RASSF8: variants seen among roughly 807,000 people sequenced by gnomAD.
RASSF8 encodes ras association domain-containing protein 8.
In RASSF8, 22 loss-of-function variants were observed where a neutral mutation model predicts 48.5. That is an observed-to-expected ratio of 0.45 (90% CI 0.32 to 0.65). RASSF8 has a LOEUF of 0.65. Among genes scored for constraint, RASSF8 ranks in the 30% least tolerant of loss-of-function variants. RASSF8 has a pLI of 0.03. For missense variants in RASSF8, 418 were observed against 489.2 expected (o/e 0.85, Z 1.37); for synonymous variants, 127 against 171.5 (o/e 0.74, Z 2.03).
chr12:26,070,024 A>G lies in RASSF8; in HGVS notation c.*1206A>G. On this transcript the variant is annotated 3_prime_UTR_variant, in exon 6 of 6. Coordinates refer to ENST00000689635, the MANE Select transcript of RASSF8 (RefSeq NM_001394098.1). ...AATATGACTCAACACCTTTTTGATG[A>G]GTAGTGACTTAACTAAGATTTACAA... 1.0e-6 allele frequency: 1 copy of G among 980,962 alleles called. No individual in the cohort carries two copies. Among genetic ancestry groups the G allele is most frequent in the Non-Finnish European group, 1.2e-6 (1 of 825,808 alleles). The allele number at this position is 980,962 out of a possible 1,614,324, so 60.8% of individuals were successfully genotyped here. A position where few individuals can be genotyped will look rare whatever the true frequency, so the allele number is the denominator to read the frequency against.
rs1174796290 is a variant in RASSF8 at position 26,071,373 on chromosome 12, A to G, written c.*2555A>G. 1 of 956,296 alleles carries G rather than the reference A, an allele frequency of 1.0e-6. No homozygotes were observed. The highest frequency in any genetic ancestry group is 1.8e-5 in the African/African-American group (1 of 56,450). The allele number at this position is 956,296 out of a possible 1,614,324, so 59.2% of individuals were successfully genotyped here. A position where few individuals can be genotyped will look rare whatever the true frequency, so the allele number is the denominator to read the frequency against. ...TCATCTGGGGGAATGTTCAGGTTCT[A>G]AATACTAAATTAGATTTCAATGTTT... On this transcript the variant is annotated 3_prime_UTR_variant, in exon 6 of 6. Coordinates refer to ENST00000689635, the MANE Select transcript of RASSF8 (RefSeq NM_001394098.1).
intron 3 of RASSF8, among the ~76,000 whole-genome samples, chr12:26,057,262 A>C (rs1241598802): frequency 6.6e-6 from 1 of 152,086 alleles, no homozygotes; most frequent in African/African-American, 2.4e-5. Context: ...ATTTCTCCTA[A>C]TGCTATCCCT....
chr12:26,018,380 T>C (rs1942702361), intron 2 of RASSF8, among the ~76,000 whole-genome samples: 1 of 152,078 alleles, frequency 6.6e-6, no homozygotes, highest in East Asian at 1.9e-4. Flanking sequence ...ATTCTTTACA[T>C]TATATAACTA....
intron 1 of RASSF8, among the ~76,000 whole-genome samples, chr12:25,990,895 A>G (rs1354169741): frequency 6.6e-6 from 1 of 152,086 alleles, no homozygotes; most frequent in Non-Finnish European, 1.5e-5. Context: ...ATAAAAAGAA[A>G]TGTGCCTAAA....
chr12:25,969,939 C>A (rs562249673), intron 1 of RASSF8, among the ~76,000 whole-genome samples: 2 of 152,182 alleles, frequency 1.3e-5, no homozygotes, highest in South Asian at 4.2e-4. Flanking sequence ...ATTTCCCCGA[C>A]CCCCACTCAC....
chr12:25,971,615 T>A (rs7963603), intron 1 of RASSF8, among the ~76,000 whole-genome samples: 9,986 of 152,280 alleles, frequency 0.066, 712 homozygotes, highest in East Asian at 0.27. Context: ...TTTTCACCAC[T>A]CTCAACTGTT....
At chr12:26,043,992 C>G (rs939354263) in intron 2 of RASSF8, among the ~76,000 whole-genome samples, 3 of 152,126 alleles carry the variant, frequency 2.0e-5, no homozygotes, top group African/African-American at 7.2e-5. Flanking sequence ...TGTGAAAATT[C>G]ATAACTTAAG....
rs1444491112 is a variant in RASSF8, at chr12:25,966,647, T to G, written c.-203+7499T>G. Among the ~76,000 whole-genome samples, 3 of 152,224 alleles carry G rather than the reference T, an allele frequency of 2.0e-5. No homozygotes were observed. In the East Asian group the frequency reaches 5.8e-4, roughly 29 times the overall value. ...ATGTTTTTATTGGGTTGTTTTCTTA[T>G]TATTAAATTTTGAGAATTCTTATAT... On this transcript the variant is annotated intron_variant, in intron 1 of 5. Coordinates refer to ENST00000689635, the MANE Select transcript of RASSF8 (RefSeq NM_001394098.1).
chr12:26,041,628 A>AAT (rs930432328), intron 2 of RASSF8, among the ~76,000 whole-genome samples: 27 of 151,684 alleles, frequency 1.8e-4, no homozygotes, highest in Middle Eastern at 3.4e-3. Flanking sequence ...TACATACATA[A>AAT]ATATATATAT....
chr12:26,048,213 C>A (rs939096325), intron 2 of RASSF8, among the ~76,000 whole-genome samples: 1 of 152,194 alleles, frequency 6.6e-6, no homozygotes, highest in Non-Finnish European at 1.5e-5. Context: ...CATTTGGTTT[C>A]CGGGAACTCT....
intron 4 of RASSF8, among the ~76,000 whole-genome samples, chr12:26,067,133 A>G (rs1225790513): frequency 1.3e-5 from 2 of 152,366 alleles, no homozygotes; most frequent in East Asian, 1.9e-4. Context: ...AGTGGTTAAT[A>G]TGTAAATTTG....
intron 1 of RASSF8, among the ~76,000 whole-genome samples, chr12:25,984,341 A>C (rs1361694656): frequency 6.6e-6 from 1 of 150,824 alleles, no homozygotes; most frequent in Non-Finnish European, 1.5e-5. Flanking sequence ...AGCCTTCCAA[A>C]GTGGTGGGAT....
At chr12:26,001,589 CT>C (rs1283996972) in intron 2 of RASSF8, among the ~76,000 whole-genome samples, 10 of 151,834 alleles carry the variant, frequency 6.6e-5, no homozygotes, top group African/African-American at 2.2e-4. Flanking sequence ...TTGTTAAAAA[CT>C]AAGACACAAA....
chr12:26,068,067 G>A (rs1216064818), intron 5 of RASSF8, among the ~76,000 whole-genome samples: 1 of 152,046 alleles, frequency 6.6e-6, no homozygotes, highest in African/African-American at 2.4e-5. Context: ...CAGCATGCCC[G>A]ACCATCTGCT....
At chr12:26,006,304 A>C (rs1592257964) in intron 2 of RASSF8, among the ~76,000 whole-genome samples, 1 of 152,178 alleles carries the variant, frequency 6.6e-6, no homozygotes, top group Non-Finnish European at 1.5e-5. Context: ...TCAGCTTCTC[A>C]TGTTAATTAA....
rs552137854 is a variant in RASSF8 at position 26,027,459 on chromosome 12, T to C, written c.-108-27777T>C. On this transcript the variant is annotated intron_variant, in intron 2 of 5. Coordinates refer to ENST00000689635, the MANE Select transcript of RASSF8 (RefSeq NM_001394098.1). ...ACTGAAGGGTCAGCAGGCCCTCACTTAAGAGTTGGCCTGACTATAAAAATA... is the reference window on the plus strand; with the variant it reads ...ACTGAAGGGTCAGCAGGCCCTCACTCAAGAGTTGGCCTGACTATAAAAATA... Among the ~76,000 whole-genome samples, 3 of 152,316 alleles carry C rather than the reference T, an allele frequency of 2.0e-5. No homozygotes were observed. In the East Asian group the frequency reaches 5.8e-4, roughly 29 times the overall value.
At chr12:26,078,871 T>G (rs1206076583) in intron 5 of RASSF8, among the ~76,000 whole-genome samples, 1 of 152,188 alleles carries the variant, frequency 6.6e-6, no homozygotes. Context: ...TCTTGTAAAC[T>G]TAAATGAATA....
In RASSF8 at chr12:25,991,826, T is replaced by TG. The variant is rs554802438; in HGVS notation, c.-202-3206dup. On this transcript the variant is annotated intron_variant, in intron 1 of 5. Coordinates refer to ENST00000689635, the MANE Select transcript of RASSF8 (RefSeq NM_001394098.1). ...GAATACACAAGGGTGTGAAAACCATTGGGGGCCATTGTGGAGGCCAGCTAC... is the reference window on the plus strand; with the variant it reads ...GAATACACAAGGGTGTGAAAACCATTGGGGGGCCATTGTGGAGGCCAGCTAC... Among the ~76,000 whole-genome samples the TG allele has an allele frequency of 1.7e-3, 257 of 152,306 alleles. 1 individual carries two copies. Among genetic ancestry groups the TG allele is most frequent in the Non-Finnish European group, 2.9e-3 (197 of 68,024 alleles).
At position 26,070,537 on chromosome 12, in the gene RASSF8, T is replaced by G; in HGVS notation, c.*1719T>G. On this transcript the variant is annotated 3_prime_UTR_variant, in exon 6 of 6. Transcript: ENST00000689635. ...TGCAAATAACTGAAGTAAATGATTCTTACCTAAATAACCACAACCTGTACA... is the reference window on the plus strand; with the variant it reads ...TGCAAATAACTGAAGTAAATGATTCGTACCTAAATAACCACAACCTGTACA... 1.0e-6 allele frequency: 1 copy of G among 982,940 alleles called. No individual in the cohort carries two copies. The highest frequency in any genetic ancestry group is 1.2e-6 in the Non-Finnish European group (1 of 827,676). 60.9% of individuals were successfully genotyped at this position (982,940 alleles called of 1,614,324 possible). A position where few individuals can be genotyped will look rare whatever the true frequency, so the allele number is the denominator to read the frequency against.
Sources: gnomAD v4.1 joint callset for allele counts (sites outside exome capture counted in the v4.1 genomes callset) on GRCh38, gnomAD v4.1.1 for gene constraint, MANE v1.5 for transcripts, NCBI Gene and HGNC (gene_info 2026-07-23, HGNC 2026-07-21) for gene names.